The following ZNF615 variants were observed in gnomAD, a reference collection of about 807,000 sequenced individuals.
ZNF615 encodes zinc finger protein 615.
Under a neutral mutation model 15.3 loss-of-function variants are expected in ZNF615, and 15 were observed. That is an observed-to-expected ratio of 0.98 (90% confidence interval 0.66 to 1.51). The LOEUF (loss-of-function observed/expected upper bound fraction) is 1.51, where lower values mean the gene tolerates loss of function less well. ZNF615 is among the 40% of genes most tolerant of loss of function. ZNF615 has a pLI of 0.00. For missense variants in ZNF615, 848 were observed against 895.9 expected, an observed-to-expected ratio of 0.95 and a Z score of 0.68; for synonymous variants, 268 against 294.6, an observed-to-expected ratio of 0.91 and a Z score of 0.92.
intron 5 of ZNF615, 98 bp downstream of exon 5, chr19:52,001,715 T>C: frequency 3.3e-6 from 3 of 904,890 alleles, no homozygotes; most frequent in Non-Finnish European, 5.5e-6. Flanking sequence ...GGAGGGGCTG[T>C]TGCTGTGTCC....
chr19:51,993,662 T>G lies in ZNF615; in HGVS notation c.1447A>C (p.Ile483Leu). 6.2e-7 allele frequency: 1 copy of G among 1,614,104 alleles called. No individual in the cohort carries two copies. Among genetic ancestry groups the G allele is most frequent in the Non-Finnish European group, 8.5e-7 (1 of 1,179,996 alleles). ...RKGFTMKSDLIVHQRTHTAEK... is the reference protein window; with the variant it reads ...RKGFTMKSDLLVHQRTHTAEK... Reference sequence around the variant, plus strand: ...GCAGTATGAGTTCGCTGATGTACAATGAGGTCACTCTTCATGGTGAAACCT... The same window carrying G: ...GCAGTATGAGTTCGCTGATGTACAAGGAGGTCACTCTTCATGGTGAAACCT... The change falls in exon 7 of 7, where the codon ATT becomes CTT. Residue 483 changes from isoleucine (I) to leucine (L), a missense_variant. By Grantham distance (5) the Ile-to-Leu change is conservative (BLOSUM62 2). Coordinates refer to ENST00000598071, the MANE Select transcript of ZNF615 (RefSeq NM_001199324.2).
Position 52,006,082 on chromosome 19 carries a change from T to C in ZNF615, c.-190+1211A>G, listed in dbSNP as rs563821638. ...CCTAAAACTTTCTTAAAAGGTAATA[T>C]TGGCAAAAGTGTGCTATCTGACAGG... On this transcript the variant is annotated intron_variant, in intron 2 of 6. Coordinates refer to ENST00000598071, the MANE Select transcript of ZNF615 (RefSeq NM_001199324.2). Among the ~76,000 whole-genome samples the C allele has an allele frequency of 8.5e-5, 13 of 152,320 alleles. 2 individuals carry two copies. Among genetic ancestry groups the C allele is most frequent in the African/African-American group, 3.1e-4 (13 of 41,566 alleles).
In ZNF615 at chr19:51,993,246, A is replaced by T; in HGVS notation, c.1863T>A (p.Thr621=). Residue 621 remains threonine (T), a synonymous_variant, in exon 7 of 7, where the codon ACT becomes ACA. Coordinates refer to ENST00000598071, the MANE Select transcript of ZNF615 (RefSeq NM_001199324.2). The part of the protein sequence containing the change: ...ECGKGFTMKS[T]LSIHQQTHTG... ...TATGAGTTTGCTGATGTATACTGAGAGTACTCTTCATGGTGAAGCCCTTTC... is the reference window on the plus strand; with the variant it reads ...TATGAGTTTGCTGATGTATACTGAGTGTACTCTTCATGGTGAAGCCCTTTC... 2 of 1,614,112 alleles carry T rather than the reference A, an allele frequency of 1.2e-6. No individual in the cohort carries two copies. The highest frequency in any genetic ancestry group is 8.5e-7 in the Non-Finnish European group (1 of 1,180,000).
intron 5 of ZNF615, 176 bp downstream of exon 5, chr19:52,001,637 A>G: frequency 1.7e-6 from 1 of 572,882 alleles, no homozygotes; most frequent in Non-Finnish European, 3.1e-6. Flanking sequence ...AAAAAAAAAG[A>G]AAAGAAAGTG....
chr19:52,000,330 T>C lies in ZNF615; in HGVS notation c.271+16A>G, dbSNP rs1317554488. 1.6e-6 allele frequency: 1 copy of C among 623,996 alleles called. No individual in the cohort carries two copies. Among genetic ancestry groups the C allele is most frequent in the East Asian group, 2.9e-5 (1 of 34,580 alleles). The allele number at this position is 623,996 out of a possible 1,614,324, so 38.7% of individuals were successfully genotyped here. A position where few individuals can be genotyped will look rare whatever the true frequency, so the allele number is the denominator to read the frequency against. On this transcript the variant is annotated intron_variant, in intron 6 of 6. Transcript: ENST00000598071. ...AGTGAATCCTCGGCATCAGGCAATA[T>C]ATCCATGAGACAAACCTGCATATGC...
At chr19:52,003,504 A>G (rs2086664009) in intron 3 of ZNF615, among the ~76,000 whole-genome samples, 193 bp downstream of exon 3, 1 of 152,210 alleles carries the variant, frequency 6.6e-6, no homozygotes, top group Non-Finnish European at 1.5e-5. Flanking sequence ...GGGGTCCCAC[A>G]CAGTCACAAA....
rs566732364 is a variant in ZNF615 at position 51,991,506 on chromosome 19, T to C, written c.*1374A>G. ...AGAACAACTTGGATGGATTTCAGGT[T>C]AATCTGCTTTAGTTGAAATAGCCAA... On this transcript the variant is annotated 3_prime_UTR_variant, in exon 7 of 7. Coordinates refer to ENST00000598071, the MANE Select transcript of ZNF615 (RefSeq NM_001199324.2). 5 of 152,370 alleles carry C rather than the reference T, an allele frequency of 3.3e-5. No homozygotes were observed. Among genetic ancestry groups the C allele is most frequent in the Non-Finnish European group, 5.9e-5 (4 of 68,036 alleles). The allele number at this position is 152,370 out of a possible 1,614,324, so 9.4% of individuals were successfully genotyped here. A position where few individuals can be genotyped will look rare whatever the true frequency, so the allele number is the denominator to read the frequency against.
chr19:52,000,900 C>G (rs2086571999), intron 5 of ZNF615, among the ~76,000 whole-genome samples: 1 of 151,766 alleles, frequency 6.6e-6, no homozygotes, highest in East Asian at 1.9e-4. Context: ...CTACAGTGAG[C>G]CTGGGTGACA....
In ZNF615 at chr19:51,993,111, A is replaced by G. The variant is rs756582619; in HGVS notation, c.1998T>C (p.Thr666=). The change falls in exon 7 of 7, where the codon ACT becomes ACC. Residue 666 remains threonine, a synonymous_variant. Transcript: ENST00000598071. Reference sequence around the variant, plus strand: ...TGCGCAAAGAGAATTTTCCACATTCAGTACATGCAAAGGAAGTCTTTCCTG... The same window carrying G: ...TGCGCAAAGAGAATTTTCCACATTCGGTACATGCAAAGGAAGTCTTTCCTG... ...FHTGKTSFAC[T]ECGKFSLRKN... The G allele has an allele frequency of 2.5e-6, 4 of 1,614,088 alleles. No homozygotes were observed. In the Admixed American group the frequency reaches 5.0e-5, roughly 20 times the overall value.
chr19:51,992,119 C>G lies in ZNF615; in HGVS notation c.*761G>C, dbSNP rs2086249351. 1 of 152,124 alleles carries G rather than the reference C, an allele frequency of 6.6e-6. No individual in the cohort carries two copies. Among genetic ancestry groups the G allele is most frequent in the Non-Finnish European group, 1.5e-5 (1 of 68,022 alleles). The allele number at this position is 152,124 out of a possible 1,614,324, so 9.4% of individuals were successfully genotyped here. On this transcript the variant is annotated 3_prime_UTR_variant, in exon 7 of 7. Coordinates refer to ENST00000598071, the MANE Select transcript of ZNF615 (RefSeq NM_001199324.2). Reference sequence around the variant, plus strand: ...TTTAGTTATTCTGAAATAACACAAACTTAGAACCAAAGAAATGCAGGAGCT... The same window carrying G: ...TTTAGTTATTCTGAAATAACACAAAGTTAGAACCAAAGAAATGCAGGAGCT...
intron 3 of ZNF615, among the ~76,000 whole-genome samples, chr19:52,003,120 C>A (rs2086652159): frequency 6.7e-6 from 1 of 148,420 alleles, no homozygotes; most frequent in African/African-American, 2.6e-5. Context: ...AGCCACAGCG[C>A]CTGGCCATGA....
chr19:52,002,629 A>G (rs1165463512), intron 3 of ZNF615, among the ~76,000 whole-genome samples: 1 of 152,208 alleles, frequency 6.6e-6, no homozygotes, highest in African/African-American at 2.4e-5. Flanking sequence ...TAAATTCACT[A>G]TGAGCTTTCA....
At chr19:51,996,522 A>G (rs574295146) in intron 6 of ZNF615, among the ~76,000 whole-genome samples, 1 of 152,340 alleles carries the variant, frequency 6.6e-6, no homozygotes, top group South Asian at 2.1e-4. Flanking sequence ...TGAAACACAT[A>G]AAGTTTAAGA....
In ZNF615 at chr19:51,994,134, T is replaced by C. The variant is rs2086342961; in HGVS notation, c.975A>G (p.Lys325=). The change falls in exon 7 of 7, where the codon AAA becomes AAG. Residue 325 remains lysine, a synonymous_variant. Coordinates refer to ENST00000598071, the MANE Select transcript of ZNF615 (RefSeq NM_001199324.2). The part of the protein sequence containing the change: ...IYHQRTHTGE[K]PHGCSVCGKA... ...TCCCACATACACTGCATCCATGGGG[T>C]TTCTCTCCTGTATGAGTTCGTTGAT... is the stretch of plus-strand genomic sequence containing the variant. 6.2e-7 allele frequency: 1 copy of C among 1,613,890 alleles called. No individual in the cohort carries two copies. The highest frequency in any genetic ancestry group is 8.5e-7 in the Non-Finnish European group (1 of 1,179,988).
chr19:52,008,167 T>C lies in ZNF615; in HGVS notation c.-254A>G, dbSNP rs1189050619. 1.3e-6 allele frequency: 2 copies of C among 1,535,518 alleles called. No individual in the cohort carries two copies. The highest frequency in any genetic ancestry group is 1.7e-6 in the Non-Finnish European group (2 of 1,146,770). ...TCCCAGAACTTGGTGGGCTCCGGCC[T>C]CATCTCTCGGCCTCCTCAGTGCCTG... is the stretch of plus-strand genomic sequence containing the variant. On this transcript the variant is annotated 5_prime_UTR_variant, in exon 1 of 7. Transcript: ENST00000598071.
Position 51,992,579 on chromosome 19 carries a change from T to TA in ZNF615, c.*300dup. On this transcript the variant is annotated 3_prime_UTR_variant, in exon 7 of 7. Coordinates refer to ENST00000598071, the MANE Select transcript of ZNF615 (RefSeq NM_001199324.2). ...TTATTTTTGGGCAAAGACGTTCCTA[T>TA]AATTATTACATTTCCACGAATTAGT... 3.7e-6 allele frequency: 1 copy of TA among 269,862 alleles called. No homozygotes were observed. Among genetic ancestry groups the TA allele is most frequent in the South Asian group, 9.4e-5 (1 of 10,690 alleles). The allele number at this position is 269,862 out of a possible 1,614,324, so 16.7% of individuals were successfully genotyped here.
chr19:51,996,143 A>T (rs2086418957), intron 6 of ZNF615, among the ~76,000 whole-genome samples: 2 of 152,136 alleles, frequency 1.3e-5, no homozygotes. Context: ...TAGTCCCAGC[A>T]CTTTGGGAGG....
intron 2 of ZNF615, chr19:52,004,459 T>C (rs760259641): frequency 6.6e-6 from 1 of 152,072 alleles, no homozygotes. Context: ...AGTGGCGTGA[T>C]CTCTGTTCAC....
intron 2 of ZNF615, 135 bp downstream of exon 2, chr19:52,007,148 TTATTACATAA>T (rs2086774848): frequency 2.5e-6 from 1 of 402,790 alleles, no homozygotes; most frequent in East Asian, 8.4e-5. Flanking sequence ...TTCTAAATGT[TTATTACATAA>T]TATAAAGCGA....
Sources: allele counts gnomAD v4.1 joint callset (sites outside exome capture counted in the v4.1 genomes callset), GRCh38; gene constraint gnomAD v4.1.1; transcripts MANE v1.5; gene names NCBI Gene and HGNC (gene_info 2026-07-23, HGNC 2026-07-21).